The following PCDHA4 variants were observed in gnomAD, a reference collection of about 807,000 sequenced individuals.
The protein encoded by PCDHA4 is protocadherin alpha 4.
In PCDHA4, 49 loss-of-function variants were observed where a neutral mutation model predicts 61.4. That is an observed-to-expected ratio of 0.80 (90% confidence interval 0.63 to 1.01). The LOEUF (loss-of-function observed/expected upper bound fraction) is 1.01, where lower values mean the gene tolerates loss of function less well. Ranked by LOEUF, PCDHA4 falls within the 50% of genes least tolerant of loss-of-function variation. The probability of loss-of-function intolerance (pLI) is 0.00; values close to 1 mark genes in which losing one functional copy is unlikely to be tolerated. For missense variants in PCDHA4, 1,254 were observed against 1,235.8 expected, an observed-to-expected ratio of 1.01 and a Z score of -0.22; for synonymous variants, 590 against 550.3, an observed-to-expected ratio of 1.07 and a Z score of -1.01.
At chr5:140,931,216 A>G (rs1347905969) in intron 1 of PCDHA4, among the ~76,000 whole-genome samples, 4 of 152,190 alleles carry the variant, frequency 2.6e-5, no homozygotes, top group African/African-American at 9.6e-5. Context: ...TTCAGGTATC[A>G]GAGCACTTAA....
chr5:140,952,914 T>C (rs1020868857), intron 1 of PCDHA4, among the ~76,000 whole-genome samples: 1 of 151,982 alleles, frequency 6.6e-6, no homozygotes, highest in South Asian at 2.1e-4. Context: ...TCATCTTACA[T>C]GGCATGAGCA....
intron 1 of PCDHA4, chr5:140,882,238 G>T: frequency 6.3e-7 from 1 of 1,583,494 alleles, no homozygotes; most frequent in Non-Finnish European, 8.6e-7. Context: ...TGTATATATT[G>T]CAGATAGCTC....
At chr5:141,007,535 T>C (rs1588169762) in intron 3 of PCDHA4, among the ~76,000 whole-genome samples, 1 of 152,050 alleles carries the variant, frequency 6.6e-6, no homozygotes, top group South Asian at 2.1e-4. Context: ...GCCACTGCAC[T>C]CCAGCTTGGG....
chr5:140,873,432 T>A (rs992972839), intron 1 of PCDHA4, among the ~76,000 whole-genome samples: 5 of 152,212 alleles, frequency 3.3e-5, no homozygotes, highest in African/African-American at 7.2e-5. Flanking sequence ...TTATTTTATA[T>A]CACATAAATA....
At chr5:140,821,477 G>A in intron 1 of PCDHA4, 1 of 272,630 alleles carries the variant, frequency 3.7e-6, no homozygotes, top group Non-Finnish European at 6.9e-6. Context: ...TTGAAAGTGA[G>A]AATACTTGAG....
intron 1 of PCDHA4, among the ~76,000 whole-genome samples, chr5:140,973,706 G>A (rs143845626): frequency 4.6e-5 from 7 of 152,274 alleles, no homozygotes; most frequent in South Asian, 4.1e-4. Context: ...TCTGACCCAG[G>A]AGTGAGCCAT....
rs1256665914 is a variant in PCDHA4 at position 140,917,331 on chromosome 5, G to A, written c.2386-61618G>A. On this transcript the variant is annotated intron_variant, in intron 1 of 3. Transcript: ENST00000530339. ...AATTTGGTGTTCATGTGGCGGGGGA[G>A]GGGGGGGATGGTGTAGGCTTCTGTT... Among the ~76,000 whole-genome samples the A allele has an allele frequency of 5.8e-5, 8 of 137,654 alleles. 1 individual carries two copies. The East Asian group carries it at 6.7e-4, about 12-fold the overall frequency. 90.3% of individuals were successfully genotyped at this position (137,654 alleles called of 152,430 possible).
At chr5:140,858,252 C>T in intron 1 of PCDHA4, 1 of 1,596,744 alleles carries the variant, frequency 6.3e-7, no homozygotes. Context: ...CCGGTGAAGC[C>T]CACGCTGGTG....
chr5:140,927,193 C>A, intron 1 of PCDHA4: 1 of 1,614,186 alleles, frequency 6.2e-7, no homozygotes, highest in Non-Finnish European at 8.5e-7. Context: ...CGACCTGGTG[C>A]TCGAGGACCC....
At chr5:140,869,849 T>C in intron 1 of PCDHA4, 3 of 1,611,006 alleles carry the variant, frequency 1.9e-6, no homozygotes, top group African/African-American at 1.3e-5. Context: ...GAATATAAGG[T>C]GAGCCTTATG....
intron 1 of PCDHA4, chr5:140,858,272 G>A: frequency 6.3e-7 from 1 of 1,597,346 alleles, no homozygotes; most frequent in Non-Finnish European, 8.6e-7. Flanking sequence ...GTGCTCTAGC[G>A]CGGTGGGGAG....
chr5:140,836,738 T>C, intron 1 of PCDHA4: 1 of 1,603,644 alleles, frequency 6.2e-7, no homozygotes, highest in Non-Finnish European at 8.5e-7. Flanking sequence ...CTACAGACAA[T>C]GTGAGTCATA....
chr5:140,863,242 G>A (rs2047891518), intron 1 of PCDHA4: 3 of 1,345,158 alleles, frequency 2.2e-6, no homozygotes, highest in African/African-American at 2.9e-5. Context: ...GCGGGCTTTG[G>A]CGGGCGTCGA....
chr5:140,968,089 C>T lies in PCDHA4; in HGVS notation c.2386-10860C>T, dbSNP rs546330069. ...CTGTCTACAACATCACGGTGACAGC[C>T]ACAGATGGGGGAATACCGCAGCTCA... On this transcript the variant is annotated intron_variant, in intron 1 of 3. Transcript: ENST00000530339. 120 of 1,614,126 alleles carry T rather than the reference C, an allele frequency of 7.4e-5. 1 individual carries two copies. The South Asian group carries it at 1.2e-3, about 16-fold the overall frequency.
intron 1 of PCDHA4, among the ~76,000 whole-genome samples, chr5:140,872,509 C>A (rs1554166234): frequency 6.6e-6 from 1 of 152,076 alleles, no homozygotes; most frequent in Non-Finnish European, 1.5e-5. Flanking sequence ...TGCCTGTAGT[C>A]CCAGTTTCTT....
intron 1 of PCDHA4, among the ~76,000 whole-genome samples, chr5:140,909,201 C>T (rs1379290108): frequency 2.0e-5 from 3 of 152,136 alleles, no homozygotes; most frequent in South Asian, 2.1e-4. Context: ...GACACAAAGC[C>T]GGAGAGTTGA....
chr5:140,823,462 G>A, intron 1 of PCDHA4: 3 of 1,613,462 alleles, frequency 1.9e-6, no homozygotes, highest in Non-Finnish European at 2.5e-6. Context: ...CAACGCGCCG[G>A]CGCTGCTGGT....
chr5:140,882,182 G>GACT (rs1284192603), intron 1 of PCDHA4: 2 of 1,518,394 alleles, frequency 1.3e-6, no homozygotes, highest in African/African-American at 2.8e-5. Flanking sequence ...TCCGCACTAG[G>GACT]AAGCCATAAA....
intron 1 of PCDHA4, chr5:140,853,701 C>T: frequency 1.0e-6 from 1 of 987,936 alleles, no homozygotes; most frequent in Non-Finnish European, 1.2e-6. Context: ...CCTGCTAACG[C>T]ATTAGCATTA....
Sources: allele counts gnomAD v4.1 joint callset (sites outside exome capture counted in the v4.1 genomes callset), GRCh38; gene constraint gnomAD v4.1.1; transcripts MANE v1.5; gene names NCBI Gene and HGNC (gene_info 2026-07-23, HGNC 2026-07-21).